The following NOL10 variants were observed in gnomAD, a reference collection of about 807,000 sequenced individuals.
NOL10 encodes the protein H_NH0074G24.1.
In NOL10, 58 loss-of-function variants were observed where a neutral mutation model predicts 103.5. That is an observed-to-expected ratio of 0.56 (90% CI 0.45 to 0.70). The LOEUF (loss-of-function observed/expected upper bound fraction) is 0.70, where lower values mean the gene tolerates loss of function less well. Among genes scored for constraint, NOL10 ranks in the 30% least tolerant of loss-of-function variants. The pLI is 0.00. For synonymous variants in NOL10, 287 were observed against 282.5 expected (o/e 1.02, Z -0.16); for missense variants, 763 against 807.3 (o/e 0.95, Z 0.67).
At chr2:10,592,817 G>A (rs1188050463) in intron 17 of NOL10, among the ~76,000 whole-genome samples, 2 of 152,164 alleles carry the variant, frequency 1.3e-5, no homozygotes, top group African/African-American at 4.8e-5. Flanking sequence ...GACCCAGCTT[G>A]TAAAAATATT....
At chr2:10,619,773 C>CTAT (rs1677027662) in intron 13 of NOL10, among the ~76,000 whole-genome samples, 1 of 152,146 alleles carries the variant, frequency 6.6e-6, no homozygotes, top group Non-Finnish European at 1.5e-5. Flanking sequence ...TTAAGGTCTC[C>CTAT]TATTCATTCT....
intron 8 of NOL10, among the ~76,000 whole-genome samples, chr2:10,666,593 T>C (rs2148333294): frequency 6.6e-6 from 1 of 152,284 alleles, no homozygotes; most frequent in South Asian, 2.1e-4. Flanking sequence ...CCTCCCAAAG[T>C]GCTAGGATTA....
At chr2:10,687,758 A>C (rs1682317604) in intron 1 of NOL10, among the ~76,000 whole-genome samples, 1 of 152,208 alleles carries the variant, frequency 6.6e-6, no homozygotes, top group Non-Finnish European at 1.5e-5. Context: ...GATCGAGACC[A>C]TACCGGCCAA....
intron 13 of NOL10, chr2:10,622,132 A>T: frequency 2.1e-6 from 1 of 470,362 alleles, no homozygotes; most frequent in Non-Finnish European, 4.4e-6. Flanking sequence ...AGAGAACTGG[A>T]CAGCACTGGT....
chr2:10,622,676 C>A (rs981714195), intron 13 of NOL10, among the ~76,000 whole-genome samples: 4 of 152,136 alleles, frequency 2.6e-5, no homozygotes, highest in Non-Finnish European at 5.9e-5. Flanking sequence ...CAAGTCAGTA[C>A]TAGTGCTGCT....
At chr2:10,587,950 GC>G (rs1430309133) in intron 19 of NOL10, among the ~76,000 whole-genome samples, 4 of 152,078 alleles carry the variant, frequency 2.6e-5, no homozygotes, top group Non-Finnish European at 5.9e-5. Flanking sequence ...TGTCTATTCT[GC>G]CCACTCCTCT....
intron 4 of NOL10, among the ~76,000 whole-genome samples, chr2:10,673,830 ACT>A (rs1258061353): frequency 6.6e-6 from 1 of 152,188 alleles, no homozygotes; most frequent in African/African-American, 2.4e-5. Flanking sequence ...AAATTCTGAC[ACT>A]CTGAGATGTT....
chr2:10,668,763 CA>C, intron 6 of NOL10, 40 bp from the exon 7 acceptor site: 1 of 868,994 alleles, frequency 1.2e-6, no homozygotes, highest in Non-Finnish European at 1.7e-6. Context: ...TGCTAAACTA[CA>C]ATGAAACTTT....
chr2:10,611,024 G>A (rs756994783), intron 13 of NOL10, among the ~76,000 whole-genome samples: 8 of 151,938 alleles, frequency 5.3e-5, no homozygotes, highest in Non-Finnish European at 1.0e-4. Flanking sequence ...GTGTTGCCTA[G>A]GCTGGTCTTG....
chr2:10,670,694 C>T (rs1680873114), intron 6 of NOL10, among the ~76,000 whole-genome samples: 1 of 152,066 alleles, frequency 6.6e-6, no homozygotes, highest in Non-Finnish European at 1.5e-5. Context: ...AAGATCGTAC[C>T]ACTGCACTGC....
intron 20 of NOL10, among the ~76,000 whole-genome samples, chr2:10,572,392 A>C (rs1674226570): frequency 6.6e-6 from 1 of 152,144 alleles, no homozygotes; most frequent in African/African-American, 2.4e-5. Flanking sequence ...CAGCAGGACC[A>C]AGGCCAACTT....
intron 9 of NOL10, 84 bp from the exon 10 acceptor site, chr2:10,659,334 A>C: frequency 2.4e-5 from 6 of 254,094 alleles, no homozygotes; most frequent in Admixed American, 9.4e-5. Flanking sequence ...CTTCACTTCA[A>C]ATCTAATGGG....
intron 8 of NOL10, among the ~76,000 whole-genome samples, chr2:10,666,662 T>C (rs1216672586): frequency 6.6e-6 from 1 of 151,294 alleles, no homozygotes; most frequent in Non-Finnish European, 1.5e-5. Context: ...TCGTAAGTAA[T>C]TATAAGTACC....
Position 10,631,966 on chromosome 2 carries a change from G to A in NOL10, c.1026+12354C>T, listed in dbSNP as rs542746954. Among the ~76,000 whole-genome samples the A allele has an allele frequency of 1.1e-4, 16 of 152,176 alleles. No individual in the cohort carries two copies. The East Asian group carries it at 1.4e-3, about 13-fold the overall frequency. ...CGACCTCAGGTGATTTGCCCGCCTC[G>A]GCCTCCCAGAGTGCCTTTCTATATT... On this transcript the variant is annotated intron_variant, in intron 13 of 20. Coordinates refer to ENST00000381685, the MANE Select transcript of NOL10 (RefSeq NM_024894.4).
chr2:10,628,530 T>C lies in NOL10; in HGVS notation c.1026+15790A>G, dbSNP rs1347415173. ...CCTACTCTATCCATTGCATTAAATA[T>C]TTCTGAAGTTTAATTTCATTGGTTT... On this transcript the variant is annotated intron_variant, in intron 13 of 20. Transcript: ENST00000381685. Among the ~76,000 whole-genome samples, 6 of 152,300 alleles carry C rather than the reference T, an allele frequency of 3.9e-5. No homozygotes were observed. In the East Asian group the frequency reaches 1.2e-3, roughly 29 times the overall value.
intron 13 of NOL10, among the ~76,000 whole-genome samples, chr2:10,631,938 T>G (rs557039824): frequency 2.8e-4 from 43 of 152,286 alleles, no homozygotes; most frequent in African/African-American, 9.6e-4. Context: ...GGTCTCAAAC[T>G]CCCGACCTCA....
intron 13 of NOL10, among the ~76,000 whole-genome samples, chr2:10,641,868 A>C (rs1678718367): frequency 6.6e-6 from 1 of 152,122 alleles, no homozygotes; most frequent in Admixed American, 6.5e-5. Context: ...TCTCCAGCCC[A>C]CATCTCCTCC....
chr2:10,637,187 T>TAAAA (rs1322710057), intron 13 of NOL10, among the ~76,000 whole-genome samples: 1 of 20,350 alleles, frequency 4.9e-5, no homozygotes, highest in African/African-American at 1.6e-4. Context: ...AGACACTGTC[T>TAAAA]CAAAAAAAAA....
At chr2:10,643,181 A>G (rs1304179398) in intron 13 of NOL10, among the ~76,000 whole-genome samples, 1 of 152,234 alleles carries the variant, frequency 6.6e-6, no homozygotes. Flanking sequence ...ACCAAACGAA[A>G]TATCTCTAAG....
Sources: gnomAD v4.1 joint callset for allele counts (sites outside exome capture counted in the v4.1 genomes callset) on GRCh38, gnomAD v4.1.1 for gene constraint, MANE v1.5 for transcripts, NCBI Gene and HGNC (gene_info 2026-07-23, HGNC 2026-07-21) for gene names.